Variants in KCNMA1 observed in about 807,000 individuals in gnomAD.
KCNMA1 encodes the protein potassium calcium-activated channel subfamily M alpha 1.
A neutral mutation model predicts 140.0 loss-of-function variants in KCNMA1; 29 were observed. The ratio of observed to expected loss-of-function variants is 0.21; its 90% CI spans 0.15 to 0.28. The LOEUF is 0.28. KCNMA1 is among the 10% of genes least tolerant of loss of function. KCNMA1 has a pLI of 1.00. For missense variants in KCNMA1, 880 were observed against 1,602.2 expected (o/e 0.55, Z 7.70); for synonymous variants, 612 against 611.9 (o/e 1.00, Z 0.00).
chr10:77,189,103 A>G (rs1370782173), intron 3 of KCNMA1, among the ~76,000 whole-genome samples: 1 of 152,156 alleles, frequency 6.6e-6, no homozygotes, highest in African/African-American at 2.4e-5. Context: ...TTTCTGATTT[A>G]GTAGGTTTGG....
At chr10:76,942,121 G>A (rs1384699724) in intron 23 of KCNMA1, among the ~76,000 whole-genome samples, 5 of 152,226 alleles carry the variant, frequency 3.3e-5, no homozygotes, top group African/African-American at 4.8e-5. Flanking sequence ...ATAGGCACCC[G>A]CCACCATGCC....
At position 77,012,084 on chromosome 10, in the gene KCNMA1, C is replaced by T. The variant is rs2090907574; in HGVS notation, c.2016-41G>A. Reference sequence around the variant, plus strand: ...GGAAAAACTGACACGTTTCATAATCCACCCAAATGAAATGAGTACCACATT... The same window carrying T: ...GGAAAAACTGACACGTTTCATAATCTACCCAAATGAAATGAGTACCACATT... On this transcript the variant is annotated intron_variant, in intron 17 of 27. Transcript: ENST00000286628. 15 of 1,612,012 alleles carry T rather than the reference C, an allele frequency of 9.3e-6. No individual in the cohort carries two copies. In the East Asian group the frequency reaches 3.4e-4, roughly 36 times the overall value.
At chr10:77,353,476 CAATA>C (rs1334096584) in intron 2 of KCNMA1, among the ~76,000 whole-genome samples, 1 of 151,920 alleles carries the variant, frequency 6.6e-6, no homozygotes, top group East Asian at 1.9e-4. Context: ...TATTGCCAGA[CAATA>C]TATATGCAAA....
chr10:76,938,139 C>T (rs975117940), intron 23 of KCNMA1, among the ~76,000 whole-genome samples: 4 of 152,162 alleles, frequency 2.6e-5, no homozygotes, highest in South Asian at 2.1e-4. Context: ...TTGCCTCTCT[C>T]CCTCTCTCTG....
At chr10:77,201,817 T>C (rs1040394770) in intron 3 of KCNMA1, among the ~76,000 whole-genome samples, 4 of 152,012 alleles carry the variant, frequency 2.6e-5, no homozygotes, top group Middle Eastern at 3.4e-3. Context: ...GTCTTGGATC[T>C]ACACAGCAAA....
At chr10:77,556,947 T>TC (rs2154558099) in intron 1 of KCNMA1, among the ~76,000 whole-genome samples, 1 of 152,268 alleles carries the variant, frequency 6.6e-6, no homozygotes, top group Non-Finnish European at 1.5e-5. Flanking sequence ...AGACTGAAAG[T>TC]CACTGAGGCA....
At chr10:77,137,284 C>T (rs1288544580) in intron 5 of KCNMA1, among the ~76,000 whole-genome samples, 1 of 152,164 alleles carries the variant, frequency 6.6e-6, no homozygotes, top group Non-Finnish European at 1.5e-5. Context: ...TTGCTATTTT[C>T]CATTCCCTTT....
At chr10:77,175,577 A>C (rs1372999629) in intron 5 of KCNMA1, among the ~76,000 whole-genome samples, 3 of 152,218 alleles carry the variant, frequency 2.0e-5, no homozygotes, top group Non-Finnish European at 2.9e-5. Context: ...GTCAGTACAA[A>C]GCAGGCTGCG....
intron 7 of KCNMA1, among the ~76,000 whole-genome samples, chr10:77,111,277 C>T (rs1244715940): frequency 2.0e-5 from 3 of 152,224 alleles, no homozygotes; most frequent in South Asian, 2.1e-4. Context: ...GGCCTGTAGA[C>T]GGTGGCCCCC....
intron 5 of KCNMA1, among the ~76,000 whole-genome samples, chr10:77,176,585 G>A (rs745336985): frequency 4.6e-5 from 7 of 152,252 alleles, no homozygotes; most frequent in South Asian, 2.1e-4. Context: ...CCAAAGGGCC[G>A]TGAATGACCC....
At chr10:77,552,642 G>GT (rs2063134152) in intron 1 of KCNMA1, among the ~76,000 whole-genome samples, 1 of 152,184 alleles carries the variant, frequency 6.6e-6, no homozygotes, top group African/African-American at 2.4e-5. Flanking sequence ...GCAGAGTTTT[G>GT]TTTTTCCTGC....
At position 76,972,704 on chromosome 10, in the gene KCNMA1, T is replaced by G. The variant is rs116359075; in HGVS notation, c.2267-2637A>C. On this transcript the variant is annotated intron_variant, in intron 19 of 27. Coordinates refer to ENST00000286628, the MANE Select transcript of KCNMA1 (RefSeq NM_001161352.2). ...TGTTCTCCAAAATGAAACTTGTGTT[T>G]AAAGGTTTCCTCCTGCACTCACAGC... Among the ~76,000 whole-genome samples, 207 of 152,324 alleles carry G rather than the reference T, an allele frequency of 1.4e-3. 2 individuals carry two copies. Among genetic ancestry groups the G allele is most frequent in the African/African-American group, 4.8e-3 (200 of 41,576 alleles).
rs35528388 is a variant in KCNMA1, at chr10:77,636,643, AC to A, written c.378+621del. 39,137 of 1,535,940 alleles carry A rather than the reference AC, an allele frequency of 0.025. 608 individuals are homozygous for A. The highest frequency in any genetic ancestry group is 0.05 in the Middle Eastern group (300 of 5,962). ...TCCAAAAGTGGCAGCCCCGTGGGCT[AC>A]CCCCAATAGTGGGATGGATCTCCCC... On this transcript the variant is annotated intron_variant, in intron 1 of 27. Coordinates refer to ENST00000286628, the MANE Select transcript of KCNMA1 (RefSeq NM_001161352.2).
At chr10:77,587,099 G>A (rs757318896) in intron 1 of KCNMA1, 7 of 152,204 alleles carry the variant, frequency 4.6e-5, no homozygotes, top group Non-Finnish European at 1.0e-4. Flanking sequence ...GATCTTGGCA[G>A]CTAAGCAGGG....
At chr10:77,151,636 C>T (rs1187273156) in intron 5 of KCNMA1, among the ~76,000 whole-genome samples, 3 of 152,184 alleles carry the variant, frequency 2.0e-5, no homozygotes, top group Non-Finnish European at 4.4e-5. Context: ...ACTCTGGCCT[C>T]CCAGCTGGGC....
intron 19 of KCNMA1, among the ~76,000 whole-genome samples, chr10:76,993,536 T>TC (rs2153356326): frequency 6.6e-6 from 1 of 152,306 alleles, no homozygotes; most frequent in East Asian, 1.9e-4. Flanking sequence ...ACCTGCAGGG[T>TC]CCTGCAGACT....
intron 3 of KCNMA1, among the ~76,000 whole-genome samples, chr10:77,235,380 G>A (rs1442835342): frequency 8.5e-5 from 13 of 152,124 alleles, no homozygotes; most frequent in Admixed American, 8.5e-4. Context: ...ATTGGAGCAG[G>A]GAGACAGATA....
chr10:77,335,096 G>T lies in KCNMA1; in HGVS notation c.540+68766C>A, dbSNP rs530228869. 1.2e-3 allele frequency among the ~76,000 whole-genome samples: 178 copies of T among 152,210 alleles called. 3 individuals are homozygous for T. The South Asian group carries it at 0.016, about 14-fold the overall frequency. ...CAGCAGGCACAGGAGTGTGGAGAAG[G>T]TCCCATGAGAAAAGCCTCTCCCCTT... On this transcript the variant is annotated intron_variant, in intron 2 of 27. Coordinates refer to ENST00000286628, the MANE Select transcript of KCNMA1 (RefSeq NM_001161352.2).
intron 2 of KCNMA1, among the ~76,000 whole-genome samples, chr10:77,391,357 C>T (rs1056282156): frequency 6.6e-6 from 1 of 152,142 alleles, no homozygotes; most frequent in African/African-American, 2.4e-5. Context: ...ACCCTCACCC[C>T]GTCTCCATCA....
Sources: allele counts gnomAD v4.1 joint callset (sites outside exome capture counted in the v4.1 genomes callset), GRCh38; gene constraint gnomAD v4.1.1; transcripts MANE v1.5; gene names NCBI Gene and HGNC (gene_info 2026-07-23, HGNC 2026-07-21).